MED23: variants seen among roughly 807,000 people sequenced by gnomAD.
MED23 encodes the protein mediator complex subunit 23.
Under a neutral mutation model 163.9 loss-of-function variants are expected in MED23, and 105 were observed. That is an observed-to-expected ratio of 0.64 (90% CI 0.55 to 0.75). The LOEUF (loss-of-function observed/expected upper bound fraction) is 0.75. MED23 is among the 30% of genes least tolerant of loss of function. The pLI, the probability that MED23 is intolerant of heterozygous loss-of-function variation, is 0.00. For missense variants in MED23, 1,054 were observed against 1,649.0 expected, an observed-to-expected ratio of 0.64 and a Z score of 6.25; for synonymous variants, 561 against 565.6, an observed-to-expected ratio of 0.99 and a Z score of 0.12.
chr6:131,623,248 G>T, intron 5 of MED23, 103 bp downstream of exon 5: 2 of 955,414 alleles, frequency 2.1e-6, no homozygotes, highest in Non-Finnish European at 3.4e-6. Flanking sequence ...GACAGATTTT[G>T]TAAATGCTTC....
chr6:131,576,546 TAGG>T, intron 30 of MED23: 1 of 972,132 alleles, frequency 1.0e-6, no homozygotes, highest in Non-Finnish European at 1.6e-6. Context: ...CCTGGCTCTG[TAGG>T]AGCTCAAAAA....
rs1773508332 is a variant in MED23 at position 131,574,297 on chromosome 6, T to G, written c.4096-2A>C. On this transcript the variant is annotated splice_acceptor_variant, in intron 30 of 30. Transcript: ENST00000354577. LOFTEE classifies it high-confidence loss of function. Reference sequence around the variant, plus strand: ...CTTGCTGTGTACTCTGACTTTTTACTGCAAAACAAATTGAGAGAGGCCAGA... The same window carrying G: ...CTTGCTGTGTACTCTGACTTTTTACGGCAAAACAAATTGAGAGAGGCCAGA... 2 of 1,614,014 alleles carry G rather than the reference T, an allele frequency of 1.2e-6. No homozygotes were observed. Among genetic ancestry groups the G allele is most frequent in the Non-Finnish European group, 1.7e-6 (2 of 1,179,884 alleles).
rs551134859 is a variant in MED23, at chr6:131,591,781, A to T, written c.3472-254T>A. 26 of 503,630 alleles carry T rather than the reference A, an allele frequency of 5.2e-5. No homozygotes were observed. In the Admixed American group the frequency reaches 8.5e-4, roughly 16 times the overall value. The allele number at this position is 503,630 out of a possible 1,614,324, so 31.2% of individuals were successfully genotyped here. ...CTGATATACACTATGCAGTAAATCA[A>T]TTAATTTATCAAACAATAAATCTAT... On this transcript the variant is annotated intron_variant, in intron 25 of 28. Coordinates refer to ENST00000368068, the MANE Select transcript of MED23 (RefSeq NM_004830.4).
At chr6:131,599,414 T>G (rs1006181637) in intron 18 of MED23, among the ~76,000 whole-genome samples, 1 of 152,194 alleles carries the variant, frequency 6.6e-6, no homozygotes, top group African/African-American at 2.4e-5. Context: ...AAGCCAGGTT[T>G]ACAGTTTTTC....
In MED23 at chr6:131,592,333, A is replaced by G. The variant is rs1312946547; in HGVS notation, c.3471+55T>C. On this transcript the variant is annotated intron_variant, in intron 25 of 28. Transcript: ENST00000368068. ...TATGCATCTTTTTCTTTTTGCTGAC[A>G]TGGAACAGCTGGCTGTATTTCATCA... 9 of 1,498,376 alleles carry G rather than the reference A, an allele frequency of 6.0e-6. No homozygotes were observed. The East Asian group carries it at 6.8e-5, about 11-fold the overall frequency. 92.8% of individuals were successfully genotyped at this position (1,498,376 alleles called of 1,614,324 possible).
downstream of MED23, chr6:131,583,935 ATAGT>A: frequency 6.4e-7 from 1 of 1,568,706 alleles, no homozygotes; most frequent in Non-Finnish European, 8.8e-7. Flanking sequence ...TATAAATCTC[ATAGT>A]TAATGGCATA....
At chr6:131,622,131 C>G in intron 5 of MED23, 152 bp from the exon 6 acceptor site, 1 of 589,658 alleles carries the variant, frequency 1.7e-6, no homozygotes, top group Non-Finnish European at 3.0e-6. Flanking sequence ...ATTAACCCAA[C>G]AGAAGAGTCA....
downstream of MED23, chr6:131,583,409 C>T (rs762145115): frequency 3.1e-6 from 5 of 1,614,150 alleles, no homozygotes; most frequent in South Asian, 3.3e-5. Context: ...ACCCATCTTT[C>T]ACACCAGCTA....
intron 1 of MED23, 57 bp from the exon 2 acceptor site, chr6:131,627,729 C>A: frequency 6.6e-7 from 1 of 1,504,686 alleles, no homozygotes. Context: ...AGGCGCCTCC[C>A]TTAGCCAAGT....
chr6:131,623,219 A>G, intron 5 of MED23, 132 bp downstream of exon 5: 1 of 795,362 alleles, frequency 1.3e-6, no homozygotes, highest in East Asian at 2.7e-5. Flanking sequence ...TCTTTTCAGG[A>G]AATATACCAC....
At chr6:131,612,503 A>G (rs1776352649) in intron 10 of MED23, among the ~76,000 whole-genome samples, 1 of 152,150 alleles carries the variant, frequency 6.6e-6, no homozygotes, top group Non-Finnish European at 1.5e-5. Context: ...AGATTATTTC[A>G]TAAGCCAATG....
At position 131,587,023 on chromosome 6, in the gene MED23, T is replaced by A; in HGVS notation, c.*656A>T. The A allele has an allele frequency of 1.4e-6, 2 of 1,444,240 alleles. No homozygotes were observed. The highest frequency in any genetic ancestry group is 1.8e-6 in the Non-Finnish European group (2 of 1,096,472). The allele number at this position is 1,444,240 out of a possible 1,614,324, so 89.5% of individuals were successfully genotyped here. On this transcript the variant is annotated 3_prime_UTR_variant, in exon 29 of 29. Transcript: ENST00000368068. ...GATTTTAAGTTCAAGAATTTTCAGA[T>A]GTTATTTTCTTACATGGCTTCCAAC...
At chr6:131,588,130 G>A (rs1214973737) in intron 28 of MED23, among the ~76,000 whole-genome samples, 2 of 152,054 alleles carry the variant, frequency 1.3e-5, no homozygotes, top group Non-Finnish European at 2.9e-5. Flanking sequence ...ACTTACAAAG[G>A]CGTATCCACT....
intron 3 of MED23, 127 bp downstream of exon 3, chr6:131,627,266 TAAC>T (rs1777570165): frequency 1.1e-5 from 8 of 738,468 alleles, no homozygotes; most frequent in African/African-American, 1.9e-5. Flanking sequence ...TAAAAAATGA[TAAC>T]AATTTTATTT....
chr6:131,592,396 C>A lies in MED23; in HGVS notation c.3463G>T (p.Ala1155Ser), dbSNP rs777742329. The change falls in exon 25 of 29, where the codon GCC (alanine) becomes TCC (serine). Residue 1155 changes from alanine (A) to serine (S), a missense_variant. Ala to Ser is a moderately conservative substitution (Grantham distance 99). Coordinates refer to ENST00000368068, the MANE Select transcript of MED23 (RefSeq NM_004830.4). ...WMNAIGLIIT[A>S]LPEPYWIVLH... ...CACAATTATTAACTCACTGGTAGGGCAGTGATGATCAAACCAATTGCATTC... is the reference window on the plus strand; with the variant it reads ...CACAATTATTAACTCACTGGTAGGGAAGTGATGATCAAACCAATTGCATTC... The A allele has an allele frequency of 3.1e-6, 5 of 1,613,660 alleles. No individual in the cohort carries two copies. The South Asian group carries it at 5.5e-5, about 18-fold the overall frequency.
chr6:131,617,723 G>A (rs1304613884), intron 9 of MED23, among the ~76,000 whole-genome samples: 1 of 152,122 alleles, frequency 6.6e-6, no homozygotes, highest in Non-Finnish European at 1.5e-5. Context: ...AGATATAGTT[G>A]TAAAAAGAGC....
At position 131,615,503 on chromosome 6, in the gene MED23, C is replaced by CAAAAAAAAAAAAAAAAA. The variant is rs917020235; in HGVS notation, c.876+387_876+403dup. Among the ~76,000 whole-genome samples, 9 of 14,160 alleles carry CAAAAAAAAAAAAAAAAA rather than the reference C, an allele frequency of 6.4e-4. 4 individuals are homozygous for CAAAAAAAAAAAAAAAAA. Among genetic ancestry groups the CAAAAAAAAAAAAAAAAA allele is most frequent in the East Asian group, 5.1e-3 (2 of 392 alleles). 9.3% of individuals were successfully genotyped at this position (14,160 alleles called of 152,430 possible). On this transcript the variant is annotated intron_variant, in intron 10 of 28. Coordinates refer to ENST00000368068, the MANE Select transcript of MED23 (RefSeq NM_004830.4). ...CCACCAAAAACAAGCAAACACACAC[C>CAAAAAAAAAAAAAAAAA]AAAAAAAAAAAAAAAAAAAAAAAAA...
chr6:131,584,816 T>TACACACACACACACACACACAC (rs59196638), downstream of MED23, among the ~76,000 whole-genome samples: 89 of 134,142 alleles, frequency 6.6e-4, 1 homozygote, highest in African/African-American at 2.1e-3. Context: ...CTACAAAAAA[T>TACACACACACACACACACACAC]ACACACACAC....
At chr6:131,627,898 G>T in intron 1 of MED23, 113 bp downstream of exon 1, 3 of 1,373,004 alleles carry the variant, frequency 2.2e-6, no homozygotes, top group Non-Finnish European at 3.1e-6. Flanking sequence ...CAAAACAAGG[G>T]AATAAAAAGG....
Sources: gnomAD v4.1 joint callset for allele counts (sites outside exome capture counted in the v4.1 genomes callset) on GRCh38, gnomAD v4.1.1 for gene constraint, MANE v1.5 for transcripts, NCBI Gene and HGNC (gene_info 2026-07-23, HGNC 2026-07-21) for gene names.